GKN1: variants seen among roughly 807,000 people sequenced by gnomAD.
GKN1 encodes the protein gastrokine-1.
GKN1 carries 17 observed loss-of-function variants against 19.7 expected under a neutral mutation model. That is an observed-to-expected ratio of 0.86 (90% CI 0.59 to 1.29). The LOEUF (loss-of-function observed/expected upper bound fraction) is 1.29. GKN1 is among the 50% of genes most tolerant of loss of function. The pLI, the probability that GKN1 is intolerant of heterozygous loss-of-function variation, is 0.00. For missense variants in GKN1, 218 were observed against 224.5 expected (o/e 0.97, Z 0.19); for synonymous variants, 96 against 78.3 (o/e 1.23, Z -1.20).
Position 68,977,524 on chromosome 2 carries a change from T to G in GKN1, c.42T>G (p.Phe14Leu). 1.9e-6 allele frequency: 3 copies of G among 1,611,726 alleles called. No homozygotes were observed. Among genetic ancestry groups the G allele is most frequent in the Non-Finnish European group, 1.7e-6 (2 of 1,177,984 alleles). ...TCTTTGCTGGACTTCTTGGAGTCTT[T>G]CTAGCTCCTGCCCTAGCTAACTATG... Reference protein sequence around the residue: ...TIVFAGLLGVFLAPALANYNI... With the variant: ...TIVFAGLLGVLLAPALANYNI... Residue 14 changes from phenylalanine to leucine, a missense_variant, in exon 2 of 6, where the codon TTT becomes TTG. Coordinates refer to ENST00000377938, the MANE Select transcript of GKN1 (RefSeq NM_019617.4).
chr2:68,979,848 A>C, intron 4 of GKN1, 65 bp from the exon 5 acceptor site: 1 of 1,430,432 alleles, frequency 7.0e-7, no homozygotes, highest in Non-Finnish European at 9.9e-7. Context: ...TCAAGTCAAC[A>C]AACCACTGGG....
intron 5 of GKN1, 84 bp downstream of exon 5, chr2:68,980,144 A>G: frequency 8.5e-7 from 1 of 1,178,200 alleles, no homozygotes; most frequent in Non-Finnish European, 1.3e-6. Flanking sequence ...AGTGGGCACC[A>G]GTGATGCAGG....
chr2:68,977,693 T>A lies in GKN1; in HGVS notation c.123T>A (p.Ser41Arg). ...NNAGSGQQSV[S>R]VNNEHNVANV... ...CTGGAAGTGGGCAGCAGTCAGTGAG[T>A]GTCAACAATGAACACAATGTGGCCA... The change falls in exon 3 of 6, where the codon AGT becomes AGA. Residue 41 changes from serine to arginine, a missense_variant. Transcript: ENST00000377938. The A allele has an allele frequency of 6.2e-7, 1 of 1,606,592 alleles. No homozygotes were observed. The highest frequency in any genetic ancestry group is 8.5e-7 in the Non-Finnish European group (1 of 1,173,186).
At chr2:68,976,155 G>GT (rs907750523) in intron 1 of GKN1, among the ~76,000 whole-genome samples, 5 of 151,934 alleles carry the variant, frequency 3.3e-5, no homozygotes, top group African/African-American at 7.2e-5. Context: ...GCTTTGGAAA[G>GT]TTTTTTTTAA....
intron 1 of GKN1, among the ~76,000 whole-genome samples, chr2:68,975,214 C>T (rs1489880364): frequency 6.6e-6 from 1 of 152,054 alleles, no homozygotes; most frequent in Non-Finnish European, 1.5e-5. Flanking sequence ...TGAATTCCTC[C>T]TTTTATTTAC....
intron 1 of GKN1, 34 bp from the exon 2 acceptor site, chr2:68,977,461 T>C (rs758268905): frequency 5.5e-6 from 8 of 1,465,972 alleles, no homozygotes; most frequent in Admixed American, 1.7e-5. Context: ...CATTTTGCCA[T>C]GTAACAGGAG....
chr2:68,978,505 C>A (rs1311943185), intron 3 of GKN1, among the ~76,000 whole-genome samples: 2 of 151,928 alleles, frequency 1.3e-5, no homozygotes, highest in Non-Finnish European at 2.9e-5. Context: ...TTTATCTGGT[C>A]AATTGGAAAA....
chr2:68,980,100 G>T, intron 5 of GKN1, 40 bp downstream of exon 5: 1 of 1,587,784 alleles, frequency 6.3e-7, no homozygotes. Context: ...GTTAGTGCTG[G>T]TGGGATTGTC....
At chr2:68,977,053 T>C (rs1461072613) in intron 1 of GKN1, among the ~76,000 whole-genome samples, 5 of 152,216 alleles carry the variant, frequency 3.3e-5, no homozygotes, top group Admixed American at 3.3e-4. Context: ...ATCTTTATGA[T>C]ACCACTTATT....
intron 3 of GKN1, among the ~76,000 whole-genome samples, chr2:68,978,611 A>G (rs1175350861): frequency 6.6e-6 from 1 of 152,222 alleles, no homozygotes; most frequent in Non-Finnish European, 1.5e-5. Flanking sequence ...ACAGACTTAT[A>G]TAGAGGGGTT....
rs1241971499 is a variant in GKN1, at chr2:68,977,548, T to C, written c.66T>C (p.Tyr22=). 6.2e-7 allele frequency: 1 copy of C among 1,608,536 alleles called. No homozygotes were observed. The highest frequency in any genetic ancestry group is 8.5e-7 in the Non-Finnish European group (1 of 1,175,178). The part of the protein sequence containing the change: ...GVFLAPALAN[Y]NINVNDDNNN... ...TTCTAGCTCCTGCCCTAGCTAACTA[T>C]GTAAGTCTCACCTTTTCAAGTTTGC... The change falls in exon 2 of 6, where the codon TAT becomes TAC. Residue 22 remains tyrosine (Y), a splice_region_variant and synonymous_variant. Transcript: ENST00000377938.
rs754540068 is a variant in GKN1 at position 68,980,757 on chromosome 2, G to A, written c.492G>A (p.Thr164=). The A allele has an allele frequency of 2.3e-5, 37 of 1,590,140 alleles. No individual in the cohort carries two copies. The highest frequency in any genetic ancestry group is 4.0e-5 in the African/African-American group (3 of 74,434). The part of the protein sequence containing the change: ...QEASLFFYSG[T]CYTTSVLWIV... ...CAAGCCTGTTTTTTTACTCAGGAAC[G>A]TGCTACACGACCAGTGTACTATGGA... Residue 164 remains threonine (T), a synonymous_variant, in exon 6 of 6, where the codon ACG becomes ACA. Transcript: ENST00000377938.
intron 3 of GKN1, 172 bp downstream of exon 3, chr2:68,977,946 AACT>A (rs1315070368): frequency 6.7e-6 from 4 of 600,886 alleles, no homozygotes; most frequent in Non-Finnish European, 1.2e-5. Flanking sequence ...CCCTAGAGAT[AACT>A]ACTGTTAATA....
chr2:68,978,259 A>AGAAGGAAGGAAGGAAGGAAGGAAGGAAG lies in GKN1; in HGVS notation c.204+500_204+501insGGAAGGAAGGAAGGAAGGAAGGAAGGAA, dbSNP rs368946545. ...AAGAAAGAAGGAAGGAAAGAAAGAA[A>AGAAGGAAGGAAGGAAGGAAGGAAGGAAG]GAAGGAAGGAAGGAAAGAAAGAAAG... On this transcript the variant is annotated intron_variant, in intron 3 of 5. Transcript: ENST00000377938. 1.3e-3 allele frequency: 162 copies of AGAAGGAAGGAAGGAAGGAAGGAAGGAAG among 124,948 alleles called. 3 individuals carry two copies. Among genetic ancestry groups the AGAAGGAAGGAAGGAAGGAAGGAAGGAAG allele is most frequent in the African/African-American group, 1.7e-3 (47 of 27,256 alleles). The allele number at this position is 124,948 out of a possible 1,614,324, so 7.7% of individuals were successfully genotyped here.
At chr2:68,975,973 C>T (rs1463446271) in intron 1 of GKN1, among the ~76,000 whole-genome samples, 1 of 152,082 alleles carries the variant, frequency 6.6e-6, no homozygotes, top group Non-Finnish European at 1.5e-5. Context: ...ATGAGGCACC[C>T]TGCATAAAGC....
chr2:68,977,693 T>C lies in GKN1; in HGVS notation c.123T>C (p.Ser41=). 6.2e-7 allele frequency: 1 copy of C among 1,606,592 alleles called. No homozygotes were observed. The change falls in exon 3 of 6, where the codon AGT becomes AGC. Residue 41 remains serine, a synonymous_variant. Coordinates refer to ENST00000377938, the MANE Select transcript of GKN1 (RefSeq NM_019617.4). ...NNAGSGQQSV[S]VNNEHNVANV... is the part of the protein sequence containing the mutation. The stretch of plus-strand genomic sequence containing the variant: ...CTGGAAGTGGGCAGCAGTCAGTGAG[T>C]GTCAACAATGAACACAATGTGGCCA...
At chr2:68,980,652 C>G (rs903556253) in intron 5 of GKN1, 77 bp from the exon 6 acceptor site, 1 of 764,980 alleles carries the variant, frequency 1.3e-6, no homozygotes. Flanking sequence ...TTTGGAAACC[C>G]CTACTCCCCC....
At chr2:68,978,286 A>AAGAG in intron 3 of GKN1, among the ~76,000 whole-genome samples, 1 of 141,836 alleles carries the variant, frequency 7.1e-6, no homozygotes, top group African/African-American at 2.9e-5. Flanking sequence ...GAAAGAAAGA[A>AAGAG]AGAAAGAAAG....
chr2:68,977,819 G>T (rs369768642), intron 3 of GKN1, 45 bp downstream of exon 3: 4 of 1,484,460 alleles, frequency 2.7e-6, no homozygotes, highest in South Asian at 1.2e-5. Flanking sequence ...TTAAAAATAC[G>T]ATTTCTTTTT....
Sources: allele counts gnomAD v4.1 joint callset (sites outside exome capture counted in the v4.1 genomes callset), GRCh38; gene constraint gnomAD v4.1.1; transcripts MANE v1.5; gene names NCBI Gene and HGNC (gene_info 2026-07-23, HGNC 2026-07-21).